The following PSKH1 variants were observed in gnomAD, a reference collection of about 807,000 sequenced individuals.
PSKH1 encodes serine/threonine-protein kinase H1.
PSKH1 carries 12 observed loss-of-function variants against 26.7 expected under a neutral mutation model. That is an observed-to-expected ratio of 0.45 (90% CI 0.29 to 0.73). The LOEUF (loss-of-function observed/expected upper bound fraction) is 0.73, where lower values mean the gene tolerates loss of function less well. Among genes scored for constraint, PSKH1 ranks in the 30% least tolerant of loss-of-function variants. The pLI, the probability that PSKH1 is intolerant of heterozygous loss-of-function variation, is 0.11. For synonymous variants in PSKH1, 213 were observed against 234.3 expected (o/e 0.91, Z 0.83); for missense variants, 431 against 595.2 (o/e 0.72, Z 2.87).
intron 2 of PSKH1, among the ~76,000 whole-genome samples, chr16:67,914,480 A>AAAAAAATTTCTTTTTT (rs2058181407): frequency 7.4e-6 from 1 of 135,828 alleles, no homozygotes; most frequent in Non-Finnish European, 1.6e-5. Context: ...TTTGAGATGG[A>AAAAAAATTTCTTTTTT]GTCTCGCTCT....
intron 2 of PSKH1, among the ~76,000 whole-genome samples, chr16:67,925,441 C>T (rs2151315401): frequency 6.6e-6 from 1 of 152,202 alleles, no homozygotes; most frequent in Non-Finnish European, 1.5e-5. Context: ...ATCCACCTGC[C>T]TCAGCCTCCC....
At chr16:67,896,308 C>T (rs185863606) in intron 1 of PSKH1, among the ~76,000 whole-genome samples, 57 of 151,926 alleles carry the variant, frequency 3.8e-4, no homozygotes, top group African/African-American at 1.1e-3. Flanking sequence ...GAGGTTTCAC[C>T]GTATTGCTCA....
rs926866707 is a variant in PSKH1, at chr16:67,893,305, C to A, written c.-137C>A. On this transcript the variant is annotated 5_prime_UTR_variant, in exon 1 of 3. Transcript: ENST00000291041. ...CGGCGGCGGCGGCGGCGGCGGCGGC[C>A]GCTGCCATTGCCCGGAGATGGCCGG... is the stretch of plus-strand genomic sequence containing the variant. 6.2e-6 allele frequency: 1 copy of A among 160,052 alleles called. No individual in the cohort carries two copies. Among genetic ancestry groups the A allele is most frequent in the East Asian group, 1.8e-4 (1 of 5,570 alleles). 9.9% of individuals were successfully genotyped at this position (160,052 alleles called of 1,614,324 possible).
rs145870344 is a variant in PSKH1 at position 67,929,572 on chromosome 16, G to A, written c.*1930G>A. 1.8e-5 allele frequency: 4 copies of A among 220,210 alleles called. No individual in the cohort carries two copies. The highest frequency in any genetic ancestry group is 3.7e-5 in the Non-Finnish European group (4 of 107,854). 13.6% of individuals were successfully genotyped at this position (220,210 alleles called of 1,614,324 possible). Reference sequence around the variant, plus strand: ...TTGGGCCTTCATGCCATGGCCTGTGGATGGAGAATGTGCAGTTATTTATTA... The same window carrying A: ...TTGGGCCTTCATGCCATGGCCTGTGAATGGAGAATGTGCAGTTATTTATTA... On this transcript the variant is annotated 3_prime_UTR_variant, in exon 3 of 3. Transcript: ENST00000291041.
intron 2 of PSKH1, among the ~76,000 whole-genome samples, chr16:67,918,592 C>CTTT (rs1238011875): frequency 3.7e-5 from 5 of 134,316 alleles, no homozygotes; most frequent in Non-Finnish European, 8.1e-5. Context: ...ACCTGTAGTT[C>CTTT]TTTTTTTTTT....
chr16:67,921,296 G>A (rs571018704), intron 2 of PSKH1, among the ~76,000 whole-genome samples: 5 of 151,194 alleles, frequency 3.3e-5, no homozygotes, highest in Non-Finnish European at 7.4e-5. Context: ...AAAAAATAAT[G>A]CCAGGTGCTG....
chr16:67,913,818 G>A (rs1223884956), intron 2 of PSKH1, among the ~76,000 whole-genome samples: 1 of 152,158 alleles, frequency 6.6e-6, no homozygotes, highest in Non-Finnish European at 1.5e-5. Context: ...TAAACACCAG[G>A]TGGTGTTGAT....
chr16:67,902,680 C>A (rs1347399589), intron 1 of PSKH1, among the ~76,000 whole-genome samples: 1 of 152,124 alleles, frequency 6.6e-6, no homozygotes, highest in Non-Finnish European at 1.5e-5. Context: ...CAAAAATACC[C>A]AGTACATGTG....
chr16:67,921,008 C>T (rs1017544925), intron 2 of PSKH1, among the ~76,000 whole-genome samples: 6 of 150,970 alleles, frequency 4.0e-5, no homozygotes, highest in Admixed American at 2.6e-4. Context: ...AGGCTGGGCA[C>T]GGTGGCTCAC....
intron 1 of PSKH1, among the ~76,000 whole-genome samples, chr16:67,904,979 A>G (rs1003678053): frequency 2.6e-5 from 4 of 151,156 alleles, no homozygotes; most frequent in African/African-American, 9.7e-5. Flanking sequence ...GGCACCCACC[A>G]CCACGTCCGG....
chr16:67,896,360 C>T (rs977661273), intron 1 of PSKH1, among the ~76,000 whole-genome samples: 9 of 152,070 alleles, frequency 5.9e-5, no homozygotes, highest in African/African-American at 1.9e-4. Context: ...CCACTCACCT[C>T]GGACTCCCAA....
chr16:67,909,581 G>A lies in PSKH1; in HGVS notation c.832G>A (p.Val278Met). 1 of 1,614,080 alleles carries A rather than the reference G, an allele frequency of 6.2e-7. No individual in the cohort carries two copies. Among genetic ancestry groups the A allele is most frequent in the Non-Finnish European group, 8.5e-7 (1 of 1,180,054 alleles). The part of the protein sequence containing the change: ...VLVRKPYTNS[V>M]DMWALGVIAY... ...GGTCCGCAAGCCATACACCAACTCAGTGGACATGTGGGCGCTGGGCGTCAT... is the reference window on the plus strand; with the variant it reads ...GGTCCGCAAGCCATACACCAACTCAATGGACATGTGGGCGCTGGGCGTCAT... Residue 278 changes from valine (V) to methionine (M), a missense_variant, in exon 2 of 3, where the codon GTG (valine) becomes ATG (methionine). By Grantham distance (21) the Val-to-Met change is conservative (BLOSUM62 1). Coordinates refer to ENST00000291041, the MANE Select transcript of PSKH1 (RefSeq NM_006742.3). This position sits in a 1 kb window ranked among gnomAD's most constrained non-coding sequence, Gnocchi z 7.8.
rs76393164 is a variant in PSKH1 at position 67,922,827 on chromosome 16, C to T, written c.958-4498C>T. Among the ~76,000 whole-genome samples the T allele has an allele frequency of 2.6e-3, 403 of 152,352 alleles. 1 individual carries two copies. The highest frequency in any genetic ancestry group is 9.3e-3 in the African/African-American group (387 of 41,572). On this transcript the variant is annotated intron_variant, in intron 2 of 2. Transcript: ENST00000291041. ...CACCAAGGGGCCTTTCTCTCCCAGC[C>T]TCACTTGCCAGTAGGCAGCCCTGCC...
chr16:67,893,469 T>G (rs2058117382), intron 1 of PSKH1, 98 bp downstream of exon 1: 1 of 152,332 alleles, frequency 6.6e-6, no homozygotes, highest in Admixed American at 6.5e-5. Flanking sequence ...CTGCCCCTGG[T>G]CAGCCTGCAG....
Position 67,927,526 on chromosome 16 carries a change from A to C in PSKH1, c.1159A>C (p.Lys387Gln). 6.2e-7 allele frequency: 1 copy of C among 1,614,124 alleles called. No homozygotes were observed. Among genetic ancestry groups the C allele is most frequent in the Non-Finnish European group, 8.5e-7 (1 of 1,180,036 alleles). Residue 387 changes from lysine to glutamine, a missense_variant, in exon 3 of 3, where the codon AAA (lysine) becomes CAA (glutamine). By Grantham distance (53) the Lys-to-Gln change is moderately conservative (BLOSUM62 1). Coordinates refer to ENST00000291041, the MANE Select transcript of PSKH1 (RefSeq NM_006742.3). The surrounding 1 kb of genome is among the most constrained non-coding windows in gnomAD (Gnocchi z 5.5). ...KRASSRCQST[K>Q]SAQSTRSSRS... ...TGCCTCCTCGCGCTGCCAGAGCACC[A>C]AATCTGCCCAGTCCACGCGTTCCAG...
chr16:67,904,088 T>C (rs2058149245), intron 1 of PSKH1, among the ~76,000 whole-genome samples: 1 of 151,354 alleles, frequency 6.6e-6, no homozygotes, highest in African/African-American at 2.4e-5. Context: ...TGATCTTGGC[T>C]CACTGCAACC....
intron 1 of PSKH1, among the ~76,000 whole-genome samples, chr16:67,894,374 C>T (rs2058120315): frequency 6.6e-6 from 1 of 152,180 alleles, no homozygotes; most frequent in Non-Finnish European, 1.5e-5. Context: ...GAGCTGGCTT[C>T]AAGAGACCCT....
intron 2 of PSKH1, among the ~76,000 whole-genome samples, chr16:67,918,843 T>C (rs1017214060): frequency 6.6e-6 from 1 of 152,040 alleles, no homozygotes; most frequent in Admixed American, 6.6e-5. Context: ...CTGCCTGCCT[T>C]GGCCTCCCAA....
chr16:67,922,789 C>T (rs1306750376), intron 2 of PSKH1, among the ~76,000 whole-genome samples: 1 of 152,208 alleles, frequency 6.6e-6, no homozygotes, highest in Non-Finnish European at 1.5e-5. Flanking sequence ...TCCCAGATGC[C>T]ACTCAGAAGA....
Sources: gnomAD v4.1 joint callset for allele counts (sites outside exome capture counted in the v4.1 genomes callset) on GRCh38, gnomAD v4.1.1 for gene constraint, Gnocchi (gnomAD v3.1) non-coding constraint, MANE v1.5 for transcripts, NCBI Gene and HGNC (gene_info 2026-07-23, HGNC 2026-07-21) for gene names.